CACNA1C: variants seen among roughly 807,000 people sequenced by gnomAD.
The protein encoded by CACNA1C is voltage-dependent L-type calcium channel subunit alpha-1C.
Under a neutral mutation model 229.0 loss-of-function variants are expected in CACNA1C, and 30 were observed. The observed-to-expected ratio is 0.13, with a 90% CI of 0.10 to 0.18. CACNA1C has a LOEUF of 0.18. CACNA1C is among the 10% of genes least tolerant of loss of function. The pLI is 1.00. For synonymous variants in CACNA1C, 1,114 were observed against 1,132.5 expected, an observed-to-expected ratio of 0.98 and a Z score of 0.33; for missense variants, 1,658 against 2,845.0, an observed-to-expected ratio of 0.58 and a Z score of 9.49.
At chr12:2,160,245 T>C (rs2095785826) in intron 3 of CACNA1C, among the ~76,000 whole-genome samples, 1 of 152,224 alleles carries the variant, frequency 6.6e-6, no homozygotes. Flanking sequence ...AGAAGCGTGC[T>C]GTATCCACAG....
chr12:2,480,710 C>G (rs1301334532), intron 5 of CACNA1C, among the ~76,000 whole-genome samples: 1 of 152,194 alleles, frequency 6.6e-6, no homozygotes, highest in Non-Finnish European at 1.5e-5. Flanking sequence ...TTCTCTTTTC[C>G]TAGTTCAGTG....
intron 3 of CACNA1C, among the ~76,000 whole-genome samples, chr12:2,364,590 A>T (rs1424350564): frequency 6.6e-6 from 1 of 152,224 alleles, no homozygotes; most frequent in African/African-American, 2.4e-5. Context: ...CTCGGCTAAA[A>T]GCAGAACGTT....
intron 3 of CACNA1C, among the ~76,000 whole-genome samples, chr12:2,340,043 A>G (rs1410183298): frequency 6.6e-6 from 1 of 152,238 alleles, no homozygotes; most frequent in Non-Finnish European, 1.5e-5. Context: ...GGCATTAAAT[A>G]TGAATCTGCA....
At chr12:2,362,845 G>A (rs746916088) in intron 3 of CACNA1C, among the ~76,000 whole-genome samples, 3 of 152,150 alleles carry the variant, frequency 2.0e-5, no homozygotes, top group Admixed American at 1.3e-4. Flanking sequence ...TAGGCCCAGC[G>A]GGCATCAGGA....
chr12:2,143,570 A>G (rs1263247486), intron 3 of CACNA1C, among the ~76,000 whole-genome samples: 1 of 151,360 alleles, frequency 6.6e-6, no homozygotes, highest in Non-Finnish European at 1.5e-5. Flanking sequence ...AGGCACGGTC[A>G]GAGGCCTGGG....
intron 18 of CACNA1C, among the ~76,000 whole-genome samples, chr12:2,587,158 T>C (rs1324098444): frequency 6.6e-6 from 1 of 152,110 alleles, no homozygotes. Context: ...GCAGTGTTTA[T>C]GGCCAGAGTC....
At chr12:2,583,635 C>T (rs1410888678) in intron 15 of CACNA1C, among the ~76,000 whole-genome samples, 1 of 152,210 alleles carries the variant, frequency 6.6e-6, no homozygotes, top group Non-Finnish European at 1.5e-5. Context: ...GACAAGGTTT[C>T]CTCTTTTCCC....
At chr12:2,069,417 G>A (rs896406814) in intron 1 of CACNA1C, among the ~76,000 whole-genome samples, 4 of 152,204 alleles carry the variant, frequency 2.6e-5, no homozygotes, top group African/African-American at 9.7e-5. Flanking sequence ...TGTGGGGGGT[G>A]TGCCTGTACG....
Position 2,556,908 on chromosome 12 carries a change from G to A in CACNA1C, c.1482-43G>A, listed in dbSNP as rs774973963. 3.5e-5 allele frequency: 55 copies of A among 1,572,000 alleles called. 1 individual carries two copies. In the African/African-American group the frequency reaches 3.9e-4, roughly 11 times the overall value. Reference sequence around the variant, plus strand: ...ACTGTTGACCGTCTTTTAAATGCACGTGTGTGTCCATCCTTTGGTAACATT... The same window carrying A: ...ACTGTTGACCGTCTTTTAAATGCACATGTGTGTCCATCCTTTGGTAACATT... On this transcript the variant is annotated intron_variant, in intron 10 of 46. Transcript: ENST00000399655.
chr12:1,995,472 G>A (rs1336798591), intron 1 of CACNA1C, among the ~76,000 whole-genome samples: 1 of 152,264 alleles, frequency 6.6e-6, no homozygotes, highest in East Asian at 1.9e-4. Context: ...GGAGCATAAT[G>A]TAGACTCATA....
intron 37 of CACNA1C, among the ~76,000 whole-genome samples, chr12:2,667,356 G>T (rs1400534468): frequency 1.9e-5 from 2 of 104,672 alleles, no homozygotes; most frequent in Non-Finnish European, 3.5e-5. Flanking sequence ...AGCTGACAGA[G>T]AGCTGGGGGA....
intron 1 of CACNA1C, among the ~76,000 whole-genome samples, chr12:2,035,203 C>T (rs370965599): frequency 6.6e-6 from 1 of 152,238 alleles, no homozygotes; most frequent in Non-Finnish European, 1.5e-5. Context: ...TCCTGCTGCT[C>T]CAGAACTGCC....
chr12:2,623,282 C>T (rs1323568553), intron 29 of CACNA1C, among the ~76,000 whole-genome samples: 1 of 152,098 alleles, frequency 6.6e-6, no homozygotes, highest in African/African-American at 2.4e-5. Flanking sequence ...GCCGTAGCCT[C>T]TCTGGGTCCC....
intron 3 of CACNA1C, among the ~76,000 whole-genome samples, chr12:2,362,580 T>G (rs1179199798): frequency 6.6e-6 from 1 of 152,216 alleles, no homozygotes; most frequent in Admixed American, 6.5e-5. Context: ...GTGTGTCCTC[T>G]CCAGCTGGAC....
At chr12:2,567,911 C>G in intron 13 of CACNA1C, 117 bp downstream of exon 13, 1 of 616,446 alleles carries the variant, frequency 1.6e-6, no homozygotes, top group East Asian at 2.8e-5. Flanking sequence ...AAGGGTGTCT[C>G]TGAAGTTCAC....
chr12:2,238,756 G>A (rs891887790), intron 3 of CACNA1C, among the ~76,000 whole-genome samples: 1 of 152,216 alleles, frequency 6.6e-6, no homozygotes, highest in African/African-American at 2.4e-5. Flanking sequence ...GATGAGGGCT[G>A]AACTTGCAGG....
rs1212939376 is a variant in CACNA1C, at chr12:2,651,573, G to C, written c.3946-67G>C. ...GCCACTGAGGTCTGTATTTCTCGGA[G>C]GGGCCCTCCTGTTCTCACCCCCCTC... is the stretch of plus-strand genomic sequence containing the variant. On this transcript the variant is annotated intron_variant, in intron 31 of 46. Transcript: ENST00000399655. The surrounding 1 kb of genome is among the most constrained non-coding windows in gnomAD (Gnocchi z 5.4). 1 of 1,613,218 alleles carries C rather than the reference G, an allele frequency of 6.2e-7. No individual in the cohort carries two copies. Among genetic ancestry groups the C allele is most frequent in the East Asian group, 2.2e-5 (1 of 44,866 alleles).
chr12:2,461,487 G>T (rs1007007908), intron 5 of CACNA1C, among the ~76,000 whole-genome samples: 7 of 152,172 alleles, frequency 4.6e-5, no homozygotes, highest in African/African-American at 1.2e-4. Context: ...GCCTCCTGGT[G>T]TTAAATATAA....
intron 3 of CACNA1C, among the ~76,000 whole-genome samples, chr12:2,176,150 T>C (rs2096638443): frequency 6.6e-6 from 1 of 152,066 alleles, no homozygotes; most frequent in Non-Finnish European, 1.5e-5. Context: ...GGGTTTGCAA[T>C]CTTGAATAGG....
Sources: gnomAD v4.1 joint callset for allele counts (sites outside exome capture counted in the v4.1 genomes callset) on GRCh38, gnomAD v4.1.1 for gene constraint, Gnocchi (gnomAD v3.1) non-coding constraint, MANE v1.5 for transcripts, NCBI Gene and HGNC (gene_info 2026-07-23, HGNC 2026-07-21) for gene names.